The following RBFOX1 variants were observed in gnomAD, a reference collection of about 807,000 sequenced individuals.
The protein encoded by RBFOX1 is RNA binding fox-1 homolog 1.
In RBFOX1, 8 loss-of-function variants were observed where a neutral mutation model predicts 57.7. The ratio of observed to expected loss-of-function variants is 0.14; its 90% CI spans 0.08 to 0.25. The LOEUF is 0.25. Ranked by LOEUF, RBFOX1 falls within the 10% of genes least tolerant of loss-of-function variation. The probability of loss-of-function intolerance (pLI) is 1.00; values close to 1 mark genes in which losing one functional copy is unlikely to be tolerated. For synonymous variants in RBFOX1, 326 were observed against 222.4 expected (o/e 1.47, Z -4.15); for missense variants, 611 against 548.5 (o/e 1.11, Z -1.14).
At chr16:5,801,431 T>A (rs562165673) in intron 3 of RBFOX1, among the ~76,000 whole-genome samples, 102 of 152,212 alleles carry the variant, frequency 6.7e-4, no homozygotes, top group African/African-American at 2.3e-3. Flanking sequence ...AAATTTCTTT[T>A]CTGTGATTAT....
intron 1 of RBFOX1, among the ~76,000 whole-genome samples, chr16:6,152,455 A>G (rs1485125771): frequency 6.6e-6 from 1 of 152,228 alleles, no homozygotes; most frequent in Non-Finnish European, 1.5e-5. Flanking sequence ...GAAAGCTGCC[A>G]TAATTCAGAA....
intron 2 of RBFOX1, among the ~76,000 whole-genome samples, chr16:5,576,559 G>C (rs2046463358): frequency 6.6e-6 from 1 of 152,146 alleles, no homozygotes; most frequent in Non-Finnish European, 1.5e-5. Flanking sequence ...TGTGTATCCT[G>C]CCCCTTTCCC....
At chr16:5,737,238 C>T (rs1482804783) in intron 3 of RBFOX1, among the ~76,000 whole-genome samples, 1 of 152,018 alleles carries the variant, frequency 6.6e-6, no homozygotes, top group Admixed American at 6.6e-5. Flanking sequence ...AATCCCAGCA[C>T]TTTGGGAGGC....
chr16:6,770,581 G>C (rs2078121607), intron 3 of RBFOX1, among the ~76,000 whole-genome samples: 1 of 149,312 alleles, frequency 6.7e-6, no homozygotes, highest in African/African-American at 2.6e-5. Flanking sequence ...ACAATTTCAA[G>C]GTGTTCCCTG....
At chr16:5,303,229 T>G (rs889018444) in intron 1 of RBFOX1, among the ~76,000 whole-genome samples, 1 of 152,204 alleles carries the variant, frequency 6.6e-6, no homozygotes, top group African/African-American at 2.4e-5. Flanking sequence ...ATTATCATCA[T>G]AGTGTTGATG....
At chr16:5,926,392 TGTG>T (rs1384647614) in intron 4 of RBFOX1, among the ~76,000 whole-genome samples, 3 of 151,950 alleles carry the variant, frequency 2.0e-5, no homozygotes, top group Non-Finnish European at 2.9e-5. Flanking sequence ...TCTTTGAAAA[TGTG>T]GTGAAATTTG....
intron 2 of RBFOX1, among the ~76,000 whole-genome samples, chr16:6,604,122 C>A (rs2097892953): frequency 6.6e-6 from 1 of 152,004 alleles, no homozygotes; most frequent in African/African-American, 2.4e-5. Flanking sequence ...TCTCCACTCC[C>A]CTTACTGTTG....
In RBFOX1 at chr16:7,454,391, TCAAA is replaced by T. The variant is rs1467641501; in HGVS notation, c.28-63755_28-63752del. On this transcript the variant is annotated intron_variant, in intron 4 of 15. Coordinates refer to ENST00000550418, the MANE Select transcript of RBFOX1 (RefSeq NM_018723.4). ...CAGATTTTCTTAAAACTGTACCATA[TCAAA>T]GGCAGATTGTCTCCCAAGTTATCAA... is the stretch of plus-strand genomic sequence containing the variant. 1.2e-3 allele frequency among the ~76,000 whole-genome samples: 190 copies of T among 152,292 alleles called. 2 individuals carry two copies. The highest frequency in any genetic ancestry group is 4.0e-3 in the African/African-American group (165 of 41,560).
intron 4 of RBFOX1, among the ~76,000 whole-genome samples, chr16:7,407,892 G>A (rs1322946282): frequency 6.6e-6 from 1 of 152,140 alleles, no homozygotes; most frequent in African/African-American, 2.4e-5. Flanking sequence ...GAACATTATG[G>A]GAACACAGCC....
chr16:5,405,129 T>A (rs2066828322), intron 1 of RBFOX1, among the ~76,000 whole-genome samples: 1 of 152,220 alleles, frequency 6.6e-6, no homozygotes, highest in African/African-American at 2.4e-5. Context: ...AATGGGGATT[T>A]GAACCTTGGC....
intron 3 of RBFOX1, among the ~76,000 whole-genome samples, chr16:6,929,718 C>G (rs1483640844): frequency 2.0e-5 from 3 of 151,804 alleles, no homozygotes; most frequent in African/African-American, 4.8e-5. Flanking sequence ...TTTTTTTTAA[C>G]ACATTTATTA....
intron 1 of RBFOX1, among the ~76,000 whole-genome samples, chr16:5,462,573 G>C (rs1047890733): frequency 5.9e-5 from 9 of 152,206 alleles, no homozygotes; most frequent in Admixed American, 5.2e-4. Context: ...CCTTTACTTT[G>C]TACATTGTGA....
intron 3 of RBFOX1, among the ~76,000 whole-genome samples, chr16:6,975,986 G>A (rs2086743482): frequency 1.3e-5 from 2 of 152,002 alleles, no homozygotes; most frequent in South Asian, 2.1e-4. Context: ...AATTAGCCAG[G>A]CATGGTGGTG....
intron 1 of RBFOX1, among the ~76,000 whole-genome samples, chr16:5,278,850 T>G (rs1254553333): frequency 6.6e-6 from 1 of 152,244 alleles, no homozygotes; most frequent in Non-Finnish European, 1.5e-5. Context: ...GAGGGTGTCC[T>G]TTATTCAATG....
At chr16:5,752,239 T>C (rs961642521) in intron 3 of RBFOX1, among the ~76,000 whole-genome samples, 1 of 152,042 alleles carries the variant, frequency 6.6e-6, no homozygotes, top group Non-Finnish European at 1.5e-5. Flanking sequence ...CAGGGACACA[T>C]AGAGGGGAGA....
At chr16:6,726,497 A>C (rs965907247) in intron 3 of RBFOX1, among the ~76,000 whole-genome samples, 1 of 151,868 alleles carries the variant, frequency 6.6e-6, no homozygotes, top group Admixed American at 6.6e-5. Flanking sequence ...TGGAACTATC[A>C]CTAGATAAAC....
chr16:5,719,059 A>G (rs1415025100), intron 3 of RBFOX1, among the ~76,000 whole-genome samples: 1 of 152,190 alleles, frequency 6.6e-6, no homozygotes, highest in African/African-American at 2.4e-5. Flanking sequence ...GCAGATAGCA[A>G]GAAGTCAGTA....
rs371925438 is a variant in RBFOX1 at position 6,213,234 on chromosome 16, C to G, written c.-126-103761C>G. Reference sequence around the variant, plus strand: ...GTGTCTTTGGGGATAGCTTTATGAGCTCTTTCTTGAACGCTTAATTATTTC... The same window carrying G: ...GTGTCTTTGGGGATAGCTTTATGAGGTCTTTCTTGAACGCTTAATTATTTC... On this transcript the variant is annotated intron_variant, in intron 1 of 15. Transcript: ENST00000550418. Among the ~76,000 whole-genome samples, 181 of 152,012 alleles carry G rather than the reference C, an allele frequency of 1.2e-3. 2 individuals carry two copies. The highest frequency in any genetic ancestry group is 3.9e-3 in the African/African-American group (162 of 41,484).
At chr16:6,396,081 A>AAAC (rs1480567886) in intron 2 of RBFOX1, among the ~76,000 whole-genome samples, 1 of 151,476 alleles carries the variant, frequency 6.6e-6, no homozygotes, top group African/African-American at 2.4e-5. Context: ...AAAAAAAAAA[A>AAAC]AAAAAAGGAC....
Sources: allele counts gnomAD v4.1 joint callset (sites outside exome capture counted in the v4.1 genomes callset), GRCh38; gene constraint gnomAD v4.1.1; transcripts MANE v1.5; gene names NCBI Gene and HGNC (gene_info 2026-07-23, HGNC 2026-07-21).